The following CELF2 variants were observed in gnomAD, a reference collection of about 807,000 sequenced individuals.
CELF2 encodes the protein CUG triplet repeat RNA-binding protein 2.
A neutral mutation model predicts 62.6 loss-of-function variants in CELF2; 8 were observed. The ratio of observed to expected loss-of-function variants is 0.13; its 90% CI spans 0.07 to 0.23. CELF2 has a LOEUF of 0.23. CELF2 is among the 10% of genes least tolerant of loss of function. The pLI, the probability that CELF2 is intolerant of heterozygous loss-of-function variation, is 1.00. For missense variants in CELF2, 333 were observed against 671.0 expected (o/e 0.50, Z 5.56); for synonymous variants, 258 against 250.0 (o/e 1.03, Z -0.30).
chr10:10,491,521 A>T, the CELF2 span, among the ~76,000 whole-genome samples: 1 of 152,184 alleles, frequency 6.6e-6, no homozygotes, highest in Non-Finnish European at 1.5e-5. Context: ...TGGCTCCTGG[A>T]CTGTATAGCT....
the CELF2 span, among the ~76,000 whole-genome samples, chr10:10,493,071 C>A: frequency 2.0e-5 from 3 of 152,156 alleles, no homozygotes; most frequent in African/African-American, 7.2e-5. Context: ...TTATTAGCAG[C>A]ATGAGAACAA....
At chr10:10,725,888 A>G in the CELF2 span, among the ~76,000 whole-genome samples, 1 of 151,364 alleles carries the variant, frequency 6.6e-6, no homozygotes, top group African/African-American at 2.4e-5. Context: ...TTTAGAGAAA[A>G]TTCTACAATT....
At chr10:11,181,639 T>C (rs1430041528) in intron 2 of CELF2, among the ~76,000 whole-genome samples, 1 of 152,268 alleles carries the variant, frequency 6.6e-6, no homozygotes, top group Non-Finnish European at 1.5e-5. Context: ...CTGAAATTCC[T>C]GTGACGCTGT....
chr10:11,046,142 G>T lies in CELF2; in HGVS notation c.74+27979G>T, dbSNP rs971800884. 1.3e-5 allele frequency among the ~76,000 whole-genome samples: 2 copies of T among 152,236 alleles called. No homozygotes were observed. Among genetic ancestry groups the T allele is most frequent in the African/African-American group, 4.8e-5 (2 of 41,542 alleles). ...ATTTGCTGCTGTTTAATGTTTTCCT[G>T]CCTCCCCAACCGGGCTGCACGCCAG... On this transcript the variant is annotated intron_variant, in intron 1 of 12. Transcript: ENST00000633077. The surrounding 1 kb of genome is among the most constrained non-coding windows in gnomAD (Gnocchi z 4.6).
the CELF2 span, among the ~76,000 whole-genome samples, chr10:10,760,279 C>T: frequency 2.0e-5 from 3 of 152,124 alleles, no homozygotes; most frequent in African/African-American, 4.8e-5. Flanking sequence ...TGTCCTACCC[C>T]AGTCCCCCTC....
In CELF2 at chr10:11,018,278, T is replaced by A. The variant is rs2057645005; in HGVS notation, c.74+115T>A. The A allele has an allele frequency of 1.4e-4, 114 of 791,052 alleles. 2 individuals are homozygous for A. The South Asian group carries it at 2.4e-3, about 17-fold the overall frequency. 49.0% of individuals were successfully genotyped at this position (791,052 alleles called of 1,614,324 possible). On this transcript the variant is annotated intron_variant, in intron 1 of 12. Coordinates refer to ENST00000633077, the MANE Select transcript of CELF2 (RefSeq NM_001326342.2). Reference sequence around the variant, plus strand: ...CCGGGCGCGACTCGGCCGCTTCGGATCCGTCGCCTCCCTCGGCCTTCGGAG... The same window carrying A: ...CCGGGCGCGACTCGGCCGCTTCGGAACCGTCGCCTCCCTCGGCCTTCGGAG...
chr10:10,700,300 G>A, the CELF2 span, among the ~76,000 whole-genome samples: 3 of 152,178 alleles, frequency 2.0e-5, no homozygotes, highest in East Asian at 1.9e-4. Context: ...CCCAAGGCTG[G>A]GTTCACAGAC....
chr10:10,656,558 C>T, the CELF2 span, among the ~76,000 whole-genome samples: 7 of 134,750 alleles, frequency 5.2e-5, no homozygotes, highest in Middle Eastern at 3.7e-3. Flanking sequence ...ATGATGAGTT[C>T]ATGTCCTTTG....
At chr10:11,018,311 C>T (rs1376803061) in intron 1 of CELF2, 148 bp downstream of exon 1, 3 of 541,394 alleles carry the variant, frequency 5.5e-6, no homozygotes, top group East Asian at 4.7e-5. Flanking sequence ...GAGGCCGGCA[C>T]GGGACGCGGG....
intron 1 of CELF2, among the ~76,000 whole-genome samples, chr10:10,919,685 T>A (rs1269812999): frequency 6.6e-6 from 1 of 152,190 alleles, no homozygotes; most frequent in African/African-American, 2.4e-5. Flanking sequence ...TGTTGTACAT[T>A]TTTACATTTT....
the CELF2 span, among the ~76,000 whole-genome samples, chr10:10,566,266 A>T: frequency 6.6e-6 from 1 of 151,952 alleles, no homozygotes; most frequent in Non-Finnish European, 1.5e-5. Flanking sequence ...GGACCTCAGC[A>T]CTTTGCAGGG....
chr10:11,300,787 C>T lies in CELF2; in HGVS notation c.976+12235C>T, dbSNP rs1223303345. ...TGAGGCAAAACGGCGACCGCGGGCT[C>T]CAGTGTCCTGAGTATGTTTGGTCAA... is the stretch of plus-strand genomic sequence containing the variant. On this transcript the variant is annotated intron_variant, in intron 9 of 12. Transcript: ENST00000633077. The surrounding 1 kb of genome is among the most constrained non-coding windows in gnomAD (Gnocchi z 5.5). Among the ~76,000 whole-genome samples, 1 of 152,188 alleles carries T rather than the reference C, an allele frequency of 6.6e-6. No homozygotes were observed. The highest frequency in any genetic ancestry group is 6.5e-5 in the Admixed American group (1 of 15,282).
At chr10:10,650,663 A>C in the CELF2 span, among the ~76,000 whole-genome samples, 1 of 152,252 alleles carries the variant, frequency 6.6e-6, no homozygotes, top group Non-Finnish European at 1.5e-5. Flanking sequence ...TATCATGAAA[A>C]AGACAGAAAA....
rs576325371 is a variant in CELF2, at chr10:11,224,909, C to T, written c.354+7402C>T. On this transcript the variant is annotated intron_variant, in intron 3 of 12. Transcript: ENST00000633077. The surrounding 1 kb of genome is among the most constrained non-coding windows in gnomAD (Gnocchi z 4.5). ...AGGGAATGGCTGAGCTGGGGAGAGC[C>T]AAGGCCAGGATCAGAGGGAGTCAGG... is the stretch of plus-strand genomic sequence containing the variant. Among the ~76,000 whole-genome samples, 1 of 152,132 alleles carries T rather than the reference C, an allele frequency of 6.6e-6. No homozygotes were observed. Among genetic ancestry groups the T allele is most frequent in the Non-Finnish European group, 1.5e-5 (1 of 68,024 alleles).
the CELF2 span, among the ~76,000 whole-genome samples, chr10:10,746,889 A>G: frequency 6.6e-6 from 1 of 152,234 alleles, no homozygotes; most frequent in Non-Finnish European, 1.5e-5. Flanking sequence ...GCAGTTTTCC[A>G]AAGCATCACC....
At chr10:10,816,694 C>T (rs904322167) in intron 1 of CELF2, among the ~76,000 whole-genome samples, 1 of 152,224 alleles carries the variant, frequency 6.6e-6, no homozygotes, top group African/African-American at 2.4e-5. Flanking sequence ...CTTAGTATTA[C>T]TCAAGCTAAT....
the CELF2 span, among the ~76,000 whole-genome samples, chr10:10,724,051 G>C: frequency 6.6e-6 from 1 of 152,144 alleles, no homozygotes; most frequent in Non-Finnish European, 1.5e-5. Context: ...TATGTATCAA[G>C]CCTAGCTGAC....
chr10:11,032,061 G>A (rs190439595), intron 1 of CELF2, among the ~76,000 whole-genome samples: 134 of 150,814 alleles, frequency 8.9e-4, no homozygotes, highest in African/African-American at 2.9e-3. Flanking sequence ...AGTTGGTTGA[G>A]GTGCATGCCT....
chr10:11,270,803 A>G lies in CELF2; in HGVS notation c.756A>G (p.Gly252=). The change falls in exon 7 of 13, where the codon GGA becomes GGG. Residue 252 remains glycine, a synonymous_variant. Coordinates refer to ENST00000633077, the MANE Select transcript of CELF2 (RefSeq NM_001326342.2). The surrounding 1 kb of genome is among the most constrained non-coding windows in gnomAD (Gnocchi z 5.8). ...ATWGNLTGLG[G]LTPQYLALLQ... ...GGGGGAACCTGACAGGGCTGGGCGG[A>G]CTGACCCCACAGTATCTGGCGGTAA... 1 of 1,482,286 alleles carries G rather than the reference A, an allele frequency of 6.7e-7. No individual in the cohort carries two copies. The highest frequency in any genetic ancestry group is 9.0e-7 in the Non-Finnish European group (1 of 1,108,748). 91.8% of individuals were successfully genotyped at this position (1,482,286 alleles called of 1,614,324 possible).
Sources: gnomAD v4.1 joint callset for allele counts (sites outside exome capture counted in the v4.1 genomes callset) on GRCh38, gnomAD v4.1.1 for gene constraint, Gnocchi (gnomAD v3.1) non-coding constraint, MANE v1.5 for transcripts, NCBI Gene and HGNC (gene_info 2026-07-23, HGNC 2026-07-21) for gene names.